The following LPGAT1 variants were observed in gnomAD, a reference collection of about 807,000 sequenced individuals.
LPGAT1 encodes the protein lysophosphatidylglycerol acyltransferase 1, also known as acyl-CoA:lysophosphatidylglycerol acyltransferase 1.
In LPGAT1, 11 loss-of-function variants were observed where a neutral mutation model predicts 47.5. The ratio of observed to expected loss-of-function variants is 0.23; its 90% CI spans 0.15 to 0.38. The LOEUF is 0.38. LPGAT1 is among the 10% of genes least tolerant of loss of function. LPGAT1 has a pLI of 1.00. For missense variants in LPGAT1, 293 were observed against 439.0 expected, an observed-to-expected ratio of 0.67 and a Z score of 2.97; for synonymous variants, 138 against 144.2, an observed-to-expected ratio of 0.96 and a Z score of 0.31.
chr1:211,744,574 A>G lies in LPGAT1; in HGVS notation c.*5325T>C, dbSNP rs1166649864. On this transcript the variant is annotated 3_prime_UTR_variant, in exon 8 of 8. Coordinates refer to ENST00000366997, the MANE Select transcript of LPGAT1 (RefSeq NM_014873.3). ...AAGCAATTAAGTATCCTTTTAAAAAAGCATTTTAGTTCTTTCCTGAGCAAC... is the reference window on the plus strand; with the variant it reads ...AAGCAATTAAGTATCCTTTTAAAAAGGCATTTTAGTTCTTTCCTGAGCAAC... 2 of 152,262 alleles carry G rather than the reference A, an allele frequency of 1.3e-5. No individual in the cohort carries two copies. The highest frequency in any genetic ancestry group is 4.8e-5 in the African/African-American group (2 of 41,474). 9.4% of individuals were successfully genotyped at this position (152,262 alleles called of 1,614,324 possible).
intron 2 of LPGAT1, among the ~76,000 whole-genome samples, chr1:211,815,866 C>T (rs1397837246): frequency 1.3e-5 from 2 of 150,746 alleles, no homozygotes; most frequent in Admixed American, 6.6e-5. Flanking sequence ...GCAAGTTCCG[C>T]CTCCCATGTT....
At chr1:211,751,187 G>T in intron 6 of LPGAT1, 120 bp from the exon 7 acceptor site, 1 of 664,564 alleles carries the variant, frequency 1.5e-6, no homozygotes, top group Non-Finnish European at 2.5e-6. Context: ...GCTTTAACAA[G>T]GGTTGGTTTC....
At chr1:211,826,705 C>A (rs1370372385) in intron 2 of LPGAT1, among the ~76,000 whole-genome samples, 1 of 151,620 alleles carries the variant, frequency 6.6e-6, no homozygotes, top group African/African-American at 2.4e-5. Flanking sequence ...TACCAATATA[C>A]CAATATTCAA....
chr1:211,817,528 A>T (rs7553567), intron 2 of LPGAT1, among the ~76,000 whole-genome samples: 1 of 150,934 alleles, frequency 6.6e-6, no homozygotes, highest in Non-Finnish European at 1.5e-5. Flanking sequence ...CCGAGATCGC[A>T]CCACTGCACT....
intron 6 of LPGAT1, among the ~76,000 whole-genome samples, chr1:211,755,605 C>G (rs1657408425): frequency 6.6e-6 from 1 of 150,552 alleles, no homozygotes; most frequent in Admixed American, 6.6e-5. Context: ...TATTAAAAAC[C>G]AATTTGAAAA....
At chr1:211,815,581 C>T (rs1353459427) in intron 2 of LPGAT1, among the ~76,000 whole-genome samples, 1 of 152,102 alleles carries the variant, frequency 6.6e-6, no homozygotes, top group Non-Finnish European at 1.5e-5. Flanking sequence ...AATCTGATTT[C>T]ATCATTCCCT....
intron 2 of LPGAT1, among the ~76,000 whole-genome samples, chr1:211,812,120 T>C (rs1212589821): frequency 1.3e-5 from 2 of 152,206 alleles, no homozygotes; most frequent in African/African-American, 2.4e-5. Flanking sequence ...CAGCAGATAC[T>C]CAATCAAGGT....
At chr1:211,755,007 CAG>C (rs1275020925) in intron 6 of LPGAT1, among the ~76,000 whole-genome samples, 1 of 139,602 alleles carries the variant, frequency 7.2e-6, no homozygotes, top group African/African-American at 2.8e-5. Context: ...GAGTAAGACT[CAG>C]TCTCGAAGCG....
At chr1:211,814,454 G>A (rs996587689) in intron 2 of LPGAT1, among the ~76,000 whole-genome samples, 1 of 152,188 alleles carries the variant, frequency 6.6e-6, no homozygotes, top group Non-Finnish European at 1.5e-5. Context: ...CCTTACTAAA[G>A]AGCTTGGAAC....
intron 6 of LPGAT1, among the ~76,000 whole-genome samples, 164 bp downstream of exon 6, chr1:211,778,754 G>A (rs527963993): frequency 5.3e-5 from 8 of 152,246 alleles, no homozygotes; most frequent in African/African-American, 1.9e-4. Context: ...ATAACTGAGC[G>A]AAATACCTAC....
chr1:211,766,601 A>G (rs1233573779), intron 6 of LPGAT1, among the ~76,000 whole-genome samples: 4 of 152,204 alleles, frequency 2.6e-5, no homozygotes, highest in African/African-American at 9.6e-5. Flanking sequence ...TGGGATGTGA[A>G]AACAAAAAAC....
intron 6 of LPGAT1, among the ~76,000 whole-genome samples, chr1:211,759,785 C>T (rs770396415): frequency 1.3e-5 from 2 of 152,010 alleles, no homozygotes; most frequent in Admixed American, 6.6e-5. Context: ...CATTAAATTC[C>T]TCTTATGCTC....
chr1:211,765,237 T>A (rs1280080125), intron 6 of LPGAT1, among the ~76,000 whole-genome samples: 6 of 152,240 alleles, frequency 3.9e-5, no homozygotes, highest in African/African-American at 1.4e-4. Flanking sequence ...AAAATTCTCA[T>A]ATGCTTCACC....
At position 211,789,613 on chromosome 1, in the gene LPGAT1, G is replaced by A. The variant is rs190092003; in HGVS notation, c.358-1886C>T. Among the ~76,000 whole-genome samples the A allele has an allele frequency of 3.2e-4, 48 of 152,244 alleles. 1 individual carries two copies. The East Asian group carries it at 9.3e-3, about 29-fold the overall frequency. On this transcript the variant is annotated intron_variant, in intron 3 of 7. Coordinates refer to ENST00000366997, the MANE Select transcript of LPGAT1 (RefSeq NM_014873.3). The stretch of plus-strand genomic sequence containing the variant: ...ATAAGGGTACCAGGCTGGGCACGAT[G>A]GCTCACGCCTATAATCCCAGCACTT...
chr1:211,757,543 T>C (rs1327801989), intron 6 of LPGAT1, among the ~76,000 whole-genome samples: 1 of 152,210 alleles, frequency 6.6e-6, no homozygotes, highest in Non-Finnish European at 1.5e-5. Flanking sequence ...TCCAGGTTTT[T>C]TGGGTTCAGC....
intron 6 of LPGAT1, among the ~76,000 whole-genome samples, chr1:211,751,415 T>C (rs756538203): frequency 6.6e-6 from 1 of 152,192 alleles, no homozygotes; most frequent in Non-Finnish European, 1.5e-5. Flanking sequence ...TTAGAACAGA[T>C]GAAGTTTTAA....
chr1:211,746,659 T>C lies in LPGAT1; in HGVS notation c.*3240A>G, dbSNP rs958138191. ...GGAAAGTTAAGGATTGGTTGTAATA[T>C]TAAAGACCAATAAGATAGATCTGAA... On this transcript the variant is annotated 3_prime_UTR_variant, in exon 8 of 8. Coordinates refer to ENST00000366997, the MANE Select transcript of LPGAT1 (RefSeq NM_014873.3). The C allele has an allele frequency of 2.0e-5, 3 of 152,236 alleles. No individual in the cohort carries two copies. Among genetic ancestry groups the C allele is most frequent in the Non-Finnish European group, 4.4e-5 (3 of 68,044 alleles). The allele number at this position is 152,236 out of a possible 1,614,324, so 9.4% of individuals were successfully genotyped here.
chr1:211,796,075 T>C (rs946306789), intron 2 of LPGAT1, among the ~76,000 whole-genome samples: 3 of 151,946 alleles, frequency 2.0e-5, no homozygotes, highest in Non-Finnish European at 4.4e-5. Flanking sequence ...CCTAGGCCCA[T>C]GCAGTGGGAA....
intron 2 of LPGAT1, among the ~76,000 whole-genome samples, chr1:211,797,659 G>A (rs1350838153): frequency 1.3e-5 from 2 of 152,134 alleles, no homozygotes; most frequent in Non-Finnish European, 2.9e-5. Context: ...CTCAGATTAT[G>A]CCTTGCTATT....
Sources: gnomAD v4.1 joint callset for allele counts (sites outside exome capture counted in the v4.1 genomes callset) on GRCh38, gnomAD v4.1.1 for gene constraint, MANE v1.5 for transcripts, NCBI Gene and HGNC (gene_info 2026-07-23, HGNC 2026-07-21) for gene names.